The following HELZ variants were observed in gnomAD, a reference collection of about 807,000 sequenced individuals.
The protein encoded by HELZ is helicase with zinc finger.
In HELZ, 23 loss-of-function variants were observed where a neutral mutation model predicts 218.2. That is an observed-to-expected ratio of 0.11 (90% CI 0.08 to 0.15). The LOEUF (loss-of-function observed/expected upper bound fraction) is 0.15, where lower values mean the gene tolerates loss of function less well. Among genes scored for constraint, HELZ ranks in the 10% least tolerant of loss-of-function variants. The pLI, the probability that HELZ is intolerant of heterozygous loss-of-function variation, is 1.00. For missense variants in HELZ, 1,813 were observed against 2,353.7 expected, an observed-to-expected ratio of 0.77 and a Z score of 4.75; for synonymous variants, 814 against 829.4, an observed-to-expected ratio of 0.98 and a Z score of 0.32.
Position 67,107,491 on chromosome 17 carries a change from T to A in HELZ, c.4919A>T (p.Asp1640Val). Residue 1640 changes from aspartate to valine, a missense_variant, in exon 31 of 33, where the codon GAC becomes GTC. Physicochemically the swap from Asp to Val is radical, Grantham distance 152. Around this residue, in one of 4 missense-constraint regions of HELZ, gnomAD observed 938 missense variants for 1,027.5 expected, o/e 0.91. Transcript: ENST00000358691. Reference protein sequence around the residue: ...HFSNFNDNSRDIEVASNPAFP... With the variant: ...HFSNFNDNSRVIEVASNPAFP... ...TGCTGGGTTGCTGGCTACTTCAATG[T>A]CTCTGCTGTTATCATTAAAGTTAGA... 3 of 1,614,158 alleles carry A rather than the reference T, an allele frequency of 1.9e-6. No homozygotes were observed.
intron 3 of HELZ, among the ~76,000 whole-genome samples, chr17:67,230,541 G>A (rs943900729): frequency 7.2e-6 from 1 of 138,562 alleles, no homozygotes; most frequent in Non-Finnish European, 1.5e-5. Context: ...AGGTTGCAGT[G>A]AGCTAAGATC....
intron 23 of HELZ, among the ~76,000 whole-genome samples, chr17:67,133,811 G>C (rs2038061663): frequency 6.6e-6 from 1 of 152,076 alleles, no homozygotes. Flanking sequence ...CACTGCGCCT[G>C]GCCGGAACAC....
At chr17:67,124,075 C>T in intron 24 of HELZ, 61 bp from the exon 25 acceptor site, 6 of 1,094,770 alleles carry the variant, frequency 5.5e-6, no homozygotes, top group South Asian at 1.3e-5. Context: ...AAAACAATAA[C>T]CATTTTCCTA....
At chr17:67,220,033 C>G (rs2143315216) in intron 3 of HELZ, among the ~76,000 whole-genome samples, 1 of 152,300 alleles carries the variant, frequency 6.6e-6, no homozygotes. Context: ...TGCCTGCATC[C>G]ACCTTCTCTC....
At chr17:67,160,456 T>C in intron 16 of HELZ, 94 bp from the exon 17 acceptor site, 2 of 769,128 alleles carry the variant, frequency 2.6e-6, no homozygotes, top group South Asian at 3.2e-5. Context: ...GCCATCCTAA[T>C]ATTATACAAT....
intron 21 of HELZ, among the ~76,000 whole-genome samples, chr17:67,145,316 A>G (rs879296970): frequency 6.6e-6 from 1 of 152,232 alleles, no homozygotes; most frequent in African/African-American, 2.4e-5. Flanking sequence ...GGAGCACATC[A>G]TGGAATTGCA....
chr17:67,191,060 C>A (rs1384694443), intron 9 of HELZ, among the ~76,000 whole-genome samples: 1 of 144,204 alleles, frequency 6.9e-6, no homozygotes, highest in Non-Finnish European at 1.5e-5. Context: ...GCTGCTCACA[C>A]ACAGGTATAC....
chr17:67,157,278 C>T (rs1330173631), intron 17 of HELZ, among the ~76,000 whole-genome samples: 1 of 152,084 alleles, frequency 6.6e-6, no homozygotes, highest in Non-Finnish European at 1.5e-5. Context: ...ACTCCAAGCA[C>T]CTGCTTCTTC....
In HELZ at chr17:67,109,610, G is replaced by C. The variant is rs553359121; in HGVS notation, c.3995C>G (p.Pro1332Arg). 2 of 1,614,106 alleles carry C rather than the reference G, an allele frequency of 1.2e-6. No homozygotes were observed. The highest frequency in any genetic ancestry group is 1.7e-6 in the Non-Finnish European group (2 of 1,180,012). The change falls in exon 29 of 33, where the codon CCT becomes CGT. Residue 1332 changes from proline to arginine, a missense_variant. Pro to Arg is a moderately radical substitution (Grantham distance 103, BLOSUM62 -2). Coordinates refer to ENST00000358691, the MANE Select transcript of HELZ (RefSeq NM_014877.4). ...TCTTGGGTTGAGATTATCTTTGCGAGGAAATTTGGTACTGGGATAAACAAC... is the reference window on the plus strand; with the variant it reads ...TCTTGGGTTGAGATTATCTTTGCGACGAAATTTGGTACTGGGATAAACAAC... ...PSVVYPSTKFPRKDNLNPRHI... is the reference protein window; with the variant it reads ...PSVVYPSTKFRRKDNLNPRHI...
At chr17:67,095,270 C>T (rs894306154) in intron 31 of HELZ, among the ~76,000 whole-genome samples, 5 of 152,152 alleles carry the variant, frequency 3.3e-5, no homozygotes, top group African/African-American at 7.2e-5. Flanking sequence ...CAGTGGTTCA[C>T]GCCTGTAATC....
At chr17:67,091,796 C>T (rs2036581102) in intron 31 of HELZ, among the ~76,000 whole-genome samples, 1 of 152,074 alleles carries the variant, frequency 6.6e-6, no homozygotes, top group Admixed American at 6.6e-5. Context: ...TCTTCATTTA[C>T]TTAAAACTAA....
chr17:67,120,628 A>G lies in HELZ; in HGVS notation c.3631-16T>C. 6.4e-7 allele frequency: 1 copy of G among 1,573,494 alleles called. No individual in the cohort carries two copies. The highest frequency in any genetic ancestry group is 8.7e-7 in the Non-Finnish European group (1 of 1,144,826). ...TCCATGGTACCTAGGTTATTAAAAA[A>G]TAAAATACATGCATTAAGTATATTT... On this transcript the variant is annotated splice_polypyrimidine_tract_variant and intron_variant, in intron 26 of 32. Transcript: ENST00000358691.
At chr17:67,150,130 C>T (rs376589970) in intron 18 of HELZ, 145 bp from the exon 19 acceptor site, 148 of 180,022 alleles carry the variant, frequency 8.2e-4, no homozygotes, top group East Asian at 2.6e-3. Flanking sequence ...TATTTTCTTT[C>T]TTTTTTTTTT....
chr17:67,226,275 A>C (rs2040889731), intron 3 of HELZ, among the ~76,000 whole-genome samples: 1 of 151,450 alleles, frequency 6.6e-6, no homozygotes, highest in African/African-American at 2.4e-5. Flanking sequence ...AAAAAAAGAA[A>C]AAAGGAAAAA....
chr17:67,106,207 G>A (rs2143728599), intron 31 of HELZ, among the ~76,000 whole-genome samples: 1 of 151,658 alleles, frequency 6.6e-6, no homozygotes, highest in East Asian at 1.9e-4. Flanking sequence ...ACACCACATG[G>A]TACTGCTTTG....
At chr17:67,163,044 G>T (rs1263936342) in intron 15 of HELZ, among the ~76,000 whole-genome samples, 1 of 152,078 alleles carries the variant, frequency 6.6e-6, no homozygotes, top group East Asian at 1.9e-4. Context: ...TATGATACCT[G>T]CCCCCAATGG....
chr17:67,226,914 T>C (rs2040908895), intron 3 of HELZ, among the ~76,000 whole-genome samples: 2 of 152,232 alleles, frequency 1.3e-5, no homozygotes, highest in Admixed American at 6.5e-5. Flanking sequence ...ATTCCATTTA[T>C]ACAATCTTAT....
In HELZ at chr17:67,075,931, T is replaced by A. The variant is rs1192612308; in HGVS notation, c.*2321A>T. 6.6e-6 allele frequency: 1 copy of A among 152,592 alleles called. No individual in the cohort carries two copies. 9.5% of individuals were successfully genotyped at this position (152,592 alleles called of 1,614,324 possible). Reference sequence around the variant, plus strand: ...CTTAATAGCTTCCTTATCCAAAGCTTCCATCATCAACATATTTATATAAGG... The same window carrying A: ...CTTAATAGCTTCCTTATCCAAAGCTACCATCATCAACATATTTATATAAGG... On this transcript the variant is annotated 3_prime_UTR_variant, in exon 33 of 33. Coordinates refer to ENST00000358691, the MANE Select transcript of HELZ (RefSeq NM_014877.4).
chr17:67,186,453 T>C (rs529673615), intron 12 of HELZ, among the ~76,000 whole-genome samples: 2 of 152,244 alleles, frequency 1.3e-5, no homozygotes, highest in East Asian at 3.9e-4. Context: ...TTGACTCTGA[T>C]TTTTGTCCTC....
Sources: gnomAD v4.1 joint callset for allele counts (sites outside exome capture counted in the v4.1 genomes callset) on GRCh38, gnomAD v4.1.1 for gene constraint, gnomAD v4.1.1 regional missense constraint, MANE v1.5 for transcripts, NCBI Gene and HGNC (gene_info 2026-07-23, HGNC 2026-07-21) for gene names.